EPHA6: variants seen among roughly 807,000 people sequenced by gnomAD.
EPHA6 encodes EPH receptor A6, also known as ephrin type-A receptor 6.
Under a neutral mutation model 112.0 loss-of-function variants are expected in EPHA6, and 50 were observed. The ratio of observed to expected loss-of-function variants is 0.45; its 90% CI spans 0.36 to 0.56. The LOEUF is 0.56. Among genes scored for constraint, EPHA6 ranks in the 20% least tolerant of loss-of-function variants. The pLI, the probability that EPHA6 is intolerant of heterozygous loss-of-function variation, is 0.00. For missense variants in EPHA6, 1,280 were observed against 1,417.4 expected (o/e 0.90, Z 1.56); for synonymous variants, 529 against 490.7 (o/e 1.08, Z -1.03).
intron 2 of EPHA6, among the ~76,000 whole-genome samples, chr3:96,936,137 G>C (rs2040569716): frequency 6.6e-6 from 1 of 151,956 alleles, no homozygotes; most frequent in Non-Finnish European, 1.5e-5. Context: ...GAGCCAGGTT[G>C]GAAAAGTTTC....
intron 6 of EPHA6, among the ~76,000 whole-genome samples, chr3:97,422,174 A>G (rs2088709769): frequency 6.6e-6 from 1 of 151,438 alleles, no homozygotes; most frequent in Non-Finnish European, 1.5e-5. Context: ...TCTCTCAAAA[A>G]ACTTTATTTA....
chr3:97,430,562 G>C (rs1438326359), intron 6 of EPHA6, among the ~76,000 whole-genome samples: 1 of 151,820 alleles, frequency 6.6e-6, no homozygotes, highest in African/African-American at 2.4e-5. Flanking sequence ...CCCTACATTG[G>C]AATTCATTTT....
At chr3:97,256,221 A>AT (rs566011919) in intron 5 of EPHA6, among the ~76,000 whole-genome samples, 3 of 151,724 alleles carry the variant, frequency 2.0e-5, no homozygotes, top group Non-Finnish European at 2.9e-5. Flanking sequence ...ATATTTTCAT[A>AT]TTTTTTTTAA....
chr3:97,655,862 A>T (rs1199312280), intron 14 of EPHA6, among the ~76,000 whole-genome samples: 5 of 151,950 alleles, frequency 3.3e-5, no homozygotes, highest in Non-Finnish European at 7.4e-5. Context: ...CATATGTAAC[A>T]AACCTGCACG....
At chr3:96,843,109 G>A (rs1331903550) in intron 1 of EPHA6, among the ~76,000 whole-genome samples, 30 of 152,024 alleles carry the variant, frequency 2.0e-4, no homozygotes, top group Admixed American at 1.9e-3. Flanking sequence ...AGTTGAAAAC[G>A]TCATCTCTTG....
intron 12 of EPHA6, among the ~76,000 whole-genome samples, chr3:97,603,253 CAT>C (rs2093656637): frequency 6.6e-6 from 1 of 151,888 alleles, no homozygotes; most frequent in Non-Finnish European, 1.5e-5. Context: ...GGAAGGAGGA[CAT>C]CACTGAATAT....
chr3:96,875,736 T>C (rs1559792141), intron 2 of EPHA6, among the ~76,000 whole-genome samples: 1 of 151,466 alleles, frequency 6.6e-6, no homozygotes, highest in Non-Finnish European at 1.5e-5. Context: ...TAATACACAT[T>C]ACACACACAC....
chr3:96,825,785 C>T (rs1325122726), intron 1 of EPHA6, among the ~76,000 whole-genome samples: 1 of 151,880 alleles, frequency 6.6e-6, no homozygotes, highest in Non-Finnish European at 1.5e-5. Context: ...GCAGTGAAAA[C>T]TATCAATCTA....
At chr3:96,918,971 T>A (rs2039622510) in intron 2 of EPHA6, among the ~76,000 whole-genome samples, 1 of 151,994 alleles carries the variant, frequency 6.6e-6, no homozygotes, top group Admixed American at 6.6e-5. Flanking sequence ...AATTAGAAAG[T>A]TCATTATTTT....
intron 14 of EPHA6, among the ~76,000 whole-genome samples, chr3:97,640,872 G>C (rs1200132734): frequency 1.3e-5 from 2 of 152,126 alleles, no homozygotes; most frequent in African/African-American, 4.8e-5. Flanking sequence ...GACCAGTTAG[G>C]CATTATTGCA....
At chr3:97,204,011 A>G (rs1316262646) in intron 3 of EPHA6, among the ~76,000 whole-genome samples, 1 of 152,120 alleles carries the variant, frequency 6.6e-6, no homozygotes, top group African/African-American at 2.4e-5. Context: ...AAAGAAAAAT[A>G]ATGGCTGAAA....
intron 3 of EPHA6, among the ~76,000 whole-genome samples, chr3:97,207,252 A>G (rs532921896): frequency 1.3e-5 from 2 of 152,300 alleles, no homozygotes; most frequent in South Asian, 4.1e-4. Context: ...AAAGAATATC[A>G]AGGGTCACTT....
chr3:97,430,993 A>T (rs1309919977), intron 6 of EPHA6, among the ~76,000 whole-genome samples: 1 of 152,078 alleles, frequency 6.6e-6, no homozygotes, highest in African/African-American at 2.4e-5. Flanking sequence ...TTAGGGAAAA[A>T]ACAACAATAA....
At chr3:97,323,181 C>T (rs985560418) in intron 5 of EPHA6, among the ~76,000 whole-genome samples, 4 of 151,848 alleles carry the variant, frequency 2.6e-5, no homozygotes, top group African/African-American at 4.8e-5. Flanking sequence ...TCATATGTTT[C>T]ATCTGACATA....
chr3:97,589,833 G>A (rs770394023), intron 11 of EPHA6, among the ~76,000 whole-genome samples: 6 of 152,140 alleles, frequency 3.9e-5, no homozygotes, highest in East Asian at 3.8e-4. Flanking sequence ...ATTCGTGGAA[G>A]CAGATATTGC....
intron 2 of EPHA6, among the ~76,000 whole-genome samples, chr3:96,887,962 G>A (rs1375410781): frequency 1.3e-5 from 2 of 152,062 alleles, no homozygotes; most frequent in Non-Finnish European, 1.5e-5. Flanking sequence ...ACAACTCCCA[G>A]TCTGTTTCTA....
intron 16 of EPHA6, chr3:97,745,572 A>G: frequency 4.3e-6 from 1 of 231,730 alleles, no homozygotes; most frequent in South Asian, 4.7e-5. Context: ...AGGTATATGC[A>G]TTTAATTTAT....
Position 97,260,587 on chromosome 3 carries a change from G to A in EPHA6, c.1606+16300G>A, listed in dbSNP as rs78725164. On this transcript the variant is annotated intron_variant, in intron 5 of 17. Coordinates refer to ENST00000389672, the MANE Select transcript of EPHA6 (RefSeq NM_001080448.3). Reference sequence around the variant, plus strand: ...TGCTTTTGGGGATTGTTCTTTTAAGGAAGACTTAGCAAAAATAGTTTTCAT... The same window carrying A: ...TGCTTTTGGGGATTGTTCTTTTAAGAAAGACTTAGCAAAAATAGTTTTCAT... Among the ~76,000 whole-genome samples, 627 of 152,256 alleles carry A rather than the reference G, an allele frequency of 4.1e-3. 2 individuals are homozygous for A. Among genetic ancestry groups the A allele is most frequent in the Middle Eastern group, 0.017 (5 of 294 alleles).
chr3:97,250,670 G>C (rs1430435875), intron 5 of EPHA6, among the ~76,000 whole-genome samples: 1 of 151,994 alleles, frequency 6.6e-6, no homozygotes, highest in Non-Finnish European at 1.5e-5. Flanking sequence ...ATGATATAAG[G>C]CTCTACTTTA....
Sources: gnomAD v4.1 joint callset for allele counts (sites outside exome capture counted in the v4.1 genomes callset) on GRCh38, gnomAD v4.1.1 for gene constraint, MANE v1.5 for transcripts, NCBI Gene and HGNC (gene_info 2026-07-23, HGNC 2026-07-21) for gene names.